Variants in ENTREP2 observed in about 807,000 individuals in gnomAD.
ENTREP2 encodes endosomal transmembrane epsin interactor 2.
At chr15:29,240,341 C>T in the ENTREP2 span, among the ~76,000 whole-genome samples, 2 of 147,974 alleles carry the variant, frequency 1.4e-5, no homozygotes, top group African/African-American at 2.5e-5. Flanking sequence ...CCAGCCTGAG[C>T]GACAGAGCGA....
At chr15:29,421,866 T>C in the ENTREP2 span, among the ~76,000 whole-genome samples, 1 of 152,226 alleles carries the variant, frequency 6.6e-6, no homozygotes, top group Non-Finnish European at 1.5e-5. Context: ...CATCAGCTAA[T>C]TTCTTCAATT....
the ENTREP2 span, among the ~76,000 whole-genome samples, chr15:29,144,453 G>A: frequency 2.6e-5 from 4 of 152,140 alleles, no homozygotes; most frequent in Non-Finnish European, 4.4e-5. Context: ...GAAGGGCCGC[G>A]CATGGTAGCT....
chr15:29,439,704 C>G, the ENTREP2 span, among the ~76,000 whole-genome samples: 1 of 152,184 alleles, frequency 6.6e-6, no homozygotes, highest in African/African-American at 2.4e-5. Context: ...TTATTAATCA[C>G]TATGGCTTTA....
At chr15:29,153,544 C>A in the ENTREP2 span, among the ~76,000 whole-genome samples, 1 of 152,156 alleles carries the variant, frequency 6.6e-6, no homozygotes, top group Admixed American at 6.5e-5. Flanking sequence ...AACAACCTCC[C>A]AAAGGCCCTG....
chr15:29,559,381 G>A, the ENTREP2 span, among the ~76,000 whole-genome samples: 35 of 152,146 alleles, frequency 2.3e-4, no homozygotes, highest in Non-Finnish European at 4.1e-4. Flanking sequence ...CCACCAGCAG[G>A]TAAACAACTC....
At chr15:29,273,164 T>A in the ENTREP2 span, among the ~76,000 whole-genome samples, 1 of 152,010 alleles carries the variant, frequency 6.6e-6, no homozygotes, top group Non-Finnish European at 1.5e-5. Flanking sequence ...CATCAATTAT[T>A]GTTAATCTCT....
chr15:29,656,819 C>T, the ENTREP2 span, among the ~76,000 whole-genome samples: 3 of 152,270 alleles, frequency 2.0e-5, no homozygotes, highest in South Asian at 2.1e-4. Flanking sequence ...CATGTACTTA[C>T]CCTATGACCC....
At chr15:29,257,953 T>C in the ENTREP2 span, among the ~76,000 whole-genome samples, 1 of 151,952 alleles carries the variant, frequency 6.6e-6, no homozygotes, top group East Asian at 1.9e-4. Context: ...GGCTCACACC[T>C]GTAATCCCAG....
the ENTREP2 span, among the ~76,000 whole-genome samples, chr15:29,552,826 A>T: frequency 6.6e-6 from 1 of 152,182 alleles, no homozygotes; most frequent in East Asian, 1.9e-4. Context: ...TCCTATAAAC[A>T]AGCAAAACCA....
the ENTREP2 span, among the ~76,000 whole-genome samples, chr15:29,354,992 C>T: frequency 1.3e-5 from 2 of 152,096 alleles, no homozygotes; most frequent in Non-Finnish European, 2.9e-5. Context: ...ACTTGGGCAG[C>T]ACTGAGGGGA....
chr15:29,478,543 A>G, the ENTREP2 span, among the ~76,000 whole-genome samples: 1 of 152,034 alleles, frequency 6.6e-6, no homozygotes, highest in Admixed American at 6.6e-5. Context: ...AGTTTGGATC[A>G]TGGGGGCAGA....
At chr15:29,472,434 C>CA in the ENTREP2 span, among the ~76,000 whole-genome samples, 4 of 135,150 alleles carry the variant, frequency 3.0e-5, no homozygotes, top group East Asian at 6.0e-4. Flanking sequence ...ACACAACACA[C>CA]ACACACACAC....
At chr15:29,644,413 T>C in the ENTREP2 span, among the ~76,000 whole-genome samples, 1 of 152,212 alleles carries the variant, frequency 6.6e-6, no homozygotes, top group Non-Finnish European at 1.5e-5. Flanking sequence ...ATTGCCAGTA[T>C]ATAAATGATA....
At chr15:29,168,350 T>C in the ENTREP2 span, among the ~76,000 whole-genome samples, 3 of 152,148 alleles carry the variant, frequency 2.0e-5, no homozygotes, top group Non-Finnish European at 4.4e-5. Context: ...AAAAACCTAC[T>C]ACACATAGTT....
At chr15:29,531,392 G>C in the ENTREP2 span, among the ~76,000 whole-genome samples, 1 of 152,076 alleles carries the variant, frequency 6.6e-6, no homozygotes, top group Admixed American at 6.5e-5. Flanking sequence ...TTTGGTAACT[G>C]AAAGTGGACT....
the ENTREP2 span, among the ~76,000 whole-genome samples, chr15:29,232,671 G>GTTTC: frequency 1.3e-5 from 2 of 151,102 alleles, no homozygotes; most frequent in Admixed American, 6.6e-5. Context: ...TAAATTGTTT[G>GTTTC]TTTGTTTGTT....
chr15:29,511,601 A>G, the ENTREP2 span, among the ~76,000 whole-genome samples: 1 of 151,888 alleles, frequency 6.6e-6, no homozygotes, highest in South Asian at 2.1e-4. Flanking sequence ...TGCTGGGATT[A>G]CAGGCGTGAG....
the ENTREP2 span, among the ~76,000 whole-genome samples, chr15:29,600,439 C>CCACCATCATCAT: frequency 1.2e-4 from 17 of 141,800 alleles, no homozygotes; most frequent in Middle Eastern, 3.7e-3. Flanking sequence ...TTCTCTCCCA[C>CCACCATCATCAT]CATCATCATC....
chr15:29,132,352 T>C, the ENTREP2 span, among the ~76,000 whole-genome samples: 3 of 152,098 alleles, frequency 2.0e-5, no homozygotes, highest in Admixed American at 6.5e-5. Flanking sequence ...GACACGGCCG[T>C]GAATTGAAAA....
Sources: gnomAD v4.1 joint callset for allele counts (sites outside exome capture counted in the v4.1 genomes callset) on GRCh38, gnomAD v4.1.1 for gene constraint, MANE v1.5 for transcripts, NCBI Gene and HGNC (gene_info 2026-07-23, HGNC 2026-07-21) for gene names.